PARD3: variants seen among roughly 807,000 people sequenced by gnomAD.
The protein encoded by PARD3 is par-3 family cell polarity regulator.
Under a neutral mutation model 155.4 loss-of-function variants are expected in PARD3, and 75 were observed. The ratio of observed to expected loss-of-function variants is 0.48; its 90% CI spans 0.40 to 0.58. The LOEUF (loss-of-function observed/expected upper bound fraction) is 0.58. Among genes scored for constraint, PARD3 ranks in the 20% least tolerant of loss-of-function variants. The pLI, the probability that PARD3 is intolerant of heterozygous loss-of-function variation, is 0.00. For missense variants in PARD3, 1,642 were observed against 1,721.7 expected, an observed-to-expected ratio of 0.95 and a Z score of 0.82; for synonymous variants, 576 against 610.5, an observed-to-expected ratio of 0.94 and a Z score of 0.83.
chr10:34,639,683 C>A (rs1170307957), intron 2 of PARD3, among the ~76,000 whole-genome samples: 1 of 152,128 alleles, frequency 6.6e-6, no homozygotes, highest in Non-Finnish European at 1.5e-5. Flanking sequence ...CAGAGCAATA[C>A]CCCATTTCTA....
intron 1 of PARD3, among the ~76,000 whole-genome samples, chr10:34,733,656 A>G (rs562290393): frequency 8.5e-5 from 13 of 152,256 alleles, no homozygotes; most frequent in Admixed American, 8.5e-4. Context: ...GCTAATTTTT[A>G]TATTTTTAGT....
At chr10:34,632,982 G>C (rs1017837097) in intron 2 of PARD3, among the ~76,000 whole-genome samples, 1 of 152,362 alleles carries the variant, frequency 6.6e-6, no homozygotes, top group East Asian at 1.9e-4. Flanking sequence ...AAACAACAGA[G>C]CGGGGCTTTC....
chr10:34,666,972 C>T (rs1226616229), intron 2 of PARD3, among the ~76,000 whole-genome samples: 1 of 151,820 alleles, frequency 6.6e-6, no homozygotes, highest in African/African-American at 2.4e-5. Flanking sequence ...AGTTTGGTAT[C>T]AGCCTGGCCA....
intron 4 of PARD3, among the ~76,000 whole-genome samples, chr10:34,451,519 G>A (rs576759107): frequency 6.6e-5 from 10 of 152,100 alleles, no homozygotes; most frequent in Admixed American, 5.2e-4. Flanking sequence ...TAATAGGTTT[G>A]CAATGTATAA....
intron 22 of PARD3, among the ~76,000 whole-genome samples, chr10:34,176,237 T>C (rs1950027154): frequency 6.6e-6 from 1 of 151,212 alleles, no homozygotes. Context: ...ACAAATTTAA[T>C]TTTAATTTCA....
intron 2 of PARD3, among the ~76,000 whole-genome samples, chr10:34,675,175 C>T (rs1239848718): frequency 1.3e-5 from 2 of 152,158 alleles, no homozygotes; most frequent in Non-Finnish European, 2.9e-5. Context: ...CTCTAATTTA[C>T]AGCTTTTAAA....
At chr10:34,337,525 T>C (rs1836321871) in intron 16 of PARD3, 99 bp from the exon 17 acceptor site, 2 of 543,418 alleles carry the variant, frequency 3.7e-6, no homozygotes, top group East Asian at 6.9e-5. Flanking sequence ...AATATACATA[T>C]GTATATTCCT....
In PARD3 at chr10:34,815,218, T is replaced by G. The variant is rs193076331; in HGVS notation, c.-223A>C. 0.29 allele frequency: 44,608 copies of G among 155,204 alleles called. 6,639 individuals are homozygous for G. The highest frequency in any genetic ancestry group is 0.38 in the African/African-American group (15,205 of 40,468). 9.6% of individuals were successfully genotyped at this position (155,204 alleles called of 1,614,324 possible). A position where few individuals can be genotyped will look rare whatever the true frequency, so the allele number is the denominator to read the frequency against. ...CTTCGCCCGGGGCTTGCCTCGCCTC[T>G]CCCCGCCGCGGCGCCCGCAGCCTCC... On this transcript the variant is annotated 5_prime_UTR_variant, in exon 1 of 25. Transcript: ENST00000374788.
rs542086583 is a variant in PARD3 at position 34,492,539 on chromosome 10, C to T, written c.404-22276G>A. ...ACAAAATAAATACTATATTCTAAAG[C>T]ATTTTAAAACTTTTTCTTTATAGGA... On this transcript the variant is annotated intron_variant, in intron 3 of 24. Coordinates refer to ENST00000374788, the MANE Select transcript of PARD3 (RefSeq NM_001184785.2). Among the ~76,000 whole-genome samples the T allele has an allele frequency of 1.4e-4, 21 of 152,276 alleles. 1 individual carries two copies. In the South Asian group the frequency reaches 4.4e-3, roughly 32 times the overall value.
At chr10:34,485,224 G>C (rs1467820028) in intron 3 of PARD3, among the ~76,000 whole-genome samples, 3 of 152,214 alleles carry the variant, frequency 2.0e-5, no homozygotes, top group East Asian at 3.9e-4. Context: ...TGTAACGCCA[G>C]CTACTCGGGA....
chr10:34,653,573 T>C (rs1485003247), intron 2 of PARD3, among the ~76,000 whole-genome samples: 1 of 152,056 alleles, frequency 6.6e-6, no homozygotes, highest in Non-Finnish European at 1.5e-5. Context: ...GAATCCAGGT[T>C]TGCAAGGTAA....
At chr10:34,779,661 G>A (rs1379884459) in intron 1 of PARD3, among the ~76,000 whole-genome samples, 1 of 152,142 alleles carries the variant, frequency 6.6e-6, no homozygotes, top group African/African-American at 2.4e-5. Context: ...GATATCACCA[G>A]CTTTTAAATT....
chr10:34,695,426 CG>C (rs1221570320), intron 2 of PARD3, among the ~76,000 whole-genome samples: 2 of 145,022 alleles, frequency 1.4e-5, no homozygotes, highest in Non-Finnish European at 3.0e-5. Flanking sequence ...AGTGAGCAGC[CG>C]AGATCACGCC....
At chr10:34,197,284 C>CT (rs1329837758) in intron 22 of PARD3, among the ~76,000 whole-genome samples, 8 of 152,166 alleles carry the variant, frequency 5.3e-5, no homozygotes, top group African/African-American at 1.7e-4. Flanking sequence ...CACAGATGCT[C>CT]TTCATGTGTT....
rs1165719480 is a variant in PARD3, at chr10:34,142,108, G to A, written c.3420-10525C>T. On this transcript the variant is annotated intron_variant, in intron 22 of 24. Transcript: ENST00000374788. ...ACTTCCTCAAGACCCTGTGAGGTACGTGGACAAAGGGCAGGGGCTGAGGTC... is the reference window on the plus strand; with the variant it reads ...ACTTCCTCAAGACCCTGTGAGGTACATGGACAAAGGGCAGGGGCTGAGGTC... 4.6e-5 allele frequency among the ~76,000 whole-genome samples: 7 copies of A among 152,262 alleles called. No individual in the cohort carries two copies. In the East Asian group the frequency reaches 7.7e-4, roughly 17 times the overall value.
intron 20 of PARD3, among the ~76,000 whole-genome samples, chr10:34,287,695 T>C (rs1350962223): frequency 6.6e-6 from 1 of 152,212 alleles, no homozygotes; most frequent in African/African-American, 2.4e-5. Context: ...CATAGTCTCA[T>C]ATATATATGA....
intron 22 of PARD3, among the ~76,000 whole-genome samples, chr10:34,187,842 A>G (rs1950551708): frequency 1.3e-5 from 2 of 152,318 alleles, no homozygotes; most frequent in East Asian, 3.9e-4. Flanking sequence ...ATTCCACTAA[A>G]TTACTTTAAA....
intron 5 of PARD3, among the ~76,000 whole-genome samples, chr10:34,424,508 TTTTA>T (rs551988460): frequency 1.3e-5 from 2 of 152,026 alleles, no homozygotes; most frequent in South Asian, 2.1e-4. Context: ...ACTTTACATT[TTTTA>T]TTTATTTATT....
intron 22 of PARD3, among the ~76,000 whole-genome samples, chr10:34,143,367 C>T (rs1005609728): frequency 6.6e-6 from 1 of 152,158 alleles, no homozygotes; most frequent in African/African-American, 2.4e-5. Flanking sequence ...AATTAAATTA[C>T]AAAACCTGAT....
Sources: gnomAD v4.1 joint callset for allele counts (sites outside exome capture counted in the v4.1 genomes callset) on GRCh38, gnomAD v4.1.1 for gene constraint, MANE v1.5 for transcripts, NCBI Gene and HGNC (gene_info 2026-07-23, HGNC 2026-07-21) for gene names.